The following SGMS1 variants were observed in gnomAD, a reference collection of about 807,000 sequenced individuals.
SGMS1 encodes phosphatidylcholine:ceramide cholinephosphotransferase 1.
SGMS1 carries 13 observed loss-of-function variants against 46.2 expected under a neutral mutation model. That is an observed-to-expected ratio of 0.28 (90% CI 0.18 to 0.45). The LOEUF is 0.45. Ranked by LOEUF, SGMS1 falls within the 20% of genes least tolerant of loss-of-function variation. The pLI is 1.00. For missense variants in SGMS1, 324 were observed against 519.9 expected (o/e 0.62, Z 3.66); for synonymous variants, 203 against 187.8 (o/e 1.08, Z -0.66).
chr10:50,545,719 G>A (rs1432686761), intron 2 of SGMS1, among the ~76,000 whole-genome samples: 1 of 152,180 alleles, frequency 6.6e-6, no homozygotes, highest in Non-Finnish European at 1.5e-5. Context: ...TTACAGACGT[G>A]AGCCATGATG....
chr10:50,404,900 A>T (rs1190026595), intron 6 of SGMS1, among the ~76,000 whole-genome samples: 1 of 152,208 alleles, frequency 6.6e-6, no homozygotes, highest in East Asian at 1.9e-4. Context: ...AATAAAGAAG[A>T]TCTGTATGTG....
intron 3 of SGMS1, among the ~76,000 whole-genome samples, chr10:50,514,525 T>A (rs1837785436): frequency 2.0e-5 from 3 of 152,160 alleles, no homozygotes; most frequent in South Asian, 4.1e-4. Flanking sequence ...TATCTCAAGA[T>A]CCTGAGCTTA....
At chr10:50,564,439 C>T (rs906467544) in intron 2 of SGMS1, among the ~76,000 whole-genome samples, 2 of 152,220 alleles carry the variant, frequency 1.3e-5, no homozygotes, top group African/African-American at 4.8e-5. Context: ...AACCAATACT[C>T]TAGTTTTTCC....
chr10:50,337,274 CAG>C (rs1187001337), intron 7 of SGMS1, among the ~76,000 whole-genome samples: 1 of 152,144 alleles, frequency 6.6e-6, no homozygotes, highest in African/African-American at 2.4e-5. Flanking sequence ...CCATAGCACA[CAG>C]TCCCCAATAA....
chr10:50,516,832 T>C (rs1047960397), intron 3 of SGMS1, among the ~76,000 whole-genome samples: 4 of 152,194 alleles, frequency 2.6e-5, no homozygotes, highest in African/African-American at 9.7e-5. Flanking sequence ...AAATTACATT[T>C]AAAAATACTT....
chr10:50,542,214 T>C (rs1023800324), intron 2 of SGMS1, among the ~76,000 whole-genome samples: 2 of 152,168 alleles, frequency 1.3e-5, no homozygotes, highest in African/African-American at 4.8e-5. Context: ...TTCTACGGCA[T>C]AAAATACATG....
At chr10:50,560,213 T>C (rs1838222352) in intron 2 of SGMS1, among the ~76,000 whole-genome samples, 1 of 144,732 alleles carries the variant, frequency 6.9e-6, no homozygotes, top group South Asian at 2.1e-4. Flanking sequence ...ATATATCGCA[T>C]ATATATTACA....
At chr10:50,308,672 C>T (rs1184230811) in intron 9 of SGMS1, among the ~76,000 whole-genome samples, 2 of 152,062 alleles carry the variant, frequency 1.3e-5, no homozygotes, top group African/African-American at 4.8e-5. Context: ...ATCCAGACGC[C>T]TGGGAATTCT....
At chr10:50,606,431 C>T (rs186143238) in intron 1 of SGMS1, among the ~76,000 whole-genome samples, 51 of 152,214 alleles carry the variant, frequency 3.4e-4, no homozygotes, top group African/African-American at 1.2e-3. Context: ...CTTAATGCCA[C>T]TGAACTGTAT....
rs544250440 is a variant in SGMS1, at chr10:50,598,012, C to CA, written c.-683-7766dup. Reference sequence around the variant, plus strand: ...GGGCAACAAGAGTGAAACTCCGTCTCAAAAAAAAAAAAAAAGAAAAAAAAA... The same window carrying CA: ...GGGCAACAAGAGTGAAACTCCGTCTCAAAAAAAAAAAAAAAAGAAAAAAAAA... On this transcript the variant is annotated intron_variant, in intron 1 of 10. Transcript: ENST00000361781. Among the ~76,000 whole-genome samples the CA allele has an allele frequency of 6.3e-3, 581 of 92,190 alleles. 1 individual carries two copies. The highest frequency in any genetic ancestry group is 0.013 in the African/African-American group (316 of 24,584). The allele number at this position is 92,190 out of a possible 152,430, so 60.5% of individuals were successfully genotyped here.
rs1849367343 is a variant in SGMS1, at chr10:50,429,167, AAC to A, written c.-232+4307_-232+4308del. On this transcript the variant is annotated intron_variant, in intron 6 of 10. Coordinates refer to ENST00000361781, the MANE Select transcript of SGMS1 (RefSeq NM_147156.4). The stretch of plus-strand genomic sequence containing the variant: ...TAAATTGGGGACTGTTTGTATTTAA[AAC>A]ACACAAGCACAGACAGGTATAGTCA... 2.0e-5 allele frequency among the ~76,000 whole-genome samples: 3 copies of A among 152,330 alleles called. No homozygotes were observed. In the South Asian group the frequency reaches 6.2e-4, roughly 32 times the overall value.
At chr10:50,478,954 T>C (rs1837452525) in intron 3 of SGMS1, among the ~76,000 whole-genome samples, 1 of 151,672 alleles carries the variant, frequency 6.6e-6, no homozygotes, top group South Asian at 2.1e-4. Flanking sequence ...GTCCCCTCTT[T>C]CTCCCATTCA....
rs71029314 is a variant in SGMS1, at chr10:50,588,721, AT to A, written c.-589+1431del. ...ACATCAGAGCACAGAGACTGATCTA[AT>A]TTTTTTTTTTTTTTTTTTTTTTTTT... is the stretch of plus-strand genomic sequence containing the variant. On this transcript the variant is annotated intron_variant, in intron 2 of 10. Transcript: ENST00000361781. Among the ~76,000 whole-genome samples the A allele has an allele frequency of 8.7e-3, 803 of 92,194 alleles. 2 individuals carry two copies. Among genetic ancestry groups the A allele is most frequent in the African/African-American group, 0.028 (653 of 23,148 alleles). 60.5% of individuals were successfully genotyped at this position (92,194 alleles called of 152,430 possible).
intron 3 of SGMS1, among the ~76,000 whole-genome samples, chr10:50,500,610 T>G (rs922847801): frequency 1.3e-5 from 2 of 152,230 alleles, no homozygotes; most frequent in African/African-American, 4.8e-5. Context: ...CCATTAATAT[T>G]ACAAGGCACT....
At chr10:50,541,359 TTGAAAATGTTTC>T (rs1838050622) in intron 2 of SGMS1, among the ~76,000 whole-genome samples, 1 of 152,204 alleles carries the variant, frequency 6.6e-6, no homozygotes, top group Admixed American at 6.5e-5. Flanking sequence ...AAAACTCCTA[TTGAAAATGTTTC>T]TTAAGGAGTA....
intron 6 of SGMS1, among the ~76,000 whole-genome samples, chr10:50,384,135 T>C (rs1429174184): frequency 6.6e-6 from 1 of 152,154 alleles, no homozygotes. Context: ...TTCAATTGTT[T>C]ATACGCCACC....
intron 3 of SGMS1, among the ~76,000 whole-genome samples, chr10:50,507,540 C>G (rs534235332): frequency 2.6e-5 from 4 of 152,242 alleles, no homozygotes; most frequent in African/African-American, 9.6e-5. Flanking sequence ...TCTGTACCTA[C>G]AGTGGAGTGA....
chr10:50,435,175 A>C (rs1849459873), intron 5 of SGMS1, among the ~76,000 whole-genome samples: 1 of 152,226 alleles, frequency 6.6e-6, no homozygotes, highest in African/African-American at 2.4e-5. Flanking sequence ...TGTGCTGTTT[A>C]ATAGCAGTGT....
At chr10:50,324,656 G>A (rs1344351831) in intron 8 of SGMS1, among the ~76,000 whole-genome samples, 1 of 152,194 alleles carries the variant, frequency 6.6e-6, no homozygotes, top group Non-Finnish European at 1.5e-5. Flanking sequence ...CTTGTGCCTA[G>A]CTTCAGAAGT....
Sources: gnomAD v4.1 joint callset for allele counts (sites outside exome capture counted in the v4.1 genomes callset) on GRCh38, gnomAD v4.1.1 for gene constraint, MANE v1.5 for transcripts, NCBI Gene and HGNC (gene_info 2026-07-23, HGNC 2026-07-21) for gene names.